Variants in SP1 observed in about 807,000 individuals in gnomAD.
SP1 encodes the protein Sp1 transcription factor.
A neutral mutation model predicts 66.3 loss-of-function variants in SP1; 6 were observed. The ratio of observed to expected loss-of-function variants is 0.09; its 90% CI spans 0.05 to 0.18. The LOEUF (loss-of-function observed/expected upper bound fraction) is 0.18. SP1 is among the 10% of genes least tolerant of loss of function. The pLI is 1.00. For missense variants in SP1, 848 were observed against 964.5 expected (o/e 0.88, Z 1.60); for synonymous variants, 417 against 360.8 (o/e 1.16, Z -1.77).
At chr12:53,390,500 T>C (rs1452910358) in intron 3 of SP1, among the ~76,000 whole-genome samples, 1 of 152,082 alleles carries the variant, frequency 6.6e-6, no homozygotes, top group East Asian at 1.9e-4. Flanking sequence ...CTGGACAACA[T>C]GGTGAAACCC....
intron 3 of SP1, among the ~76,000 whole-genome samples, chr12:53,388,705 C>G (rs976681264): frequency 6.6e-6 from 1 of 152,086 alleles, no homozygotes; most frequent in Admixed American, 6.6e-5. Flanking sequence ...TTTGGCCAGG[C>G]GTAGTGGCTC....
At chr12:53,394,286 T>G (rs1938423294) in intron 3 of SP1, among the ~76,000 whole-genome samples, 1 of 152,034 alleles carries the variant, frequency 6.6e-6, no homozygotes. Context: ...AAAAATAAAT[T>G]TTGTGTAGAT....
intron 3 of SP1, among the ~76,000 whole-genome samples, chr12:53,402,562 G>T (rs886707732): frequency 1.3e-5 from 2 of 151,948 alleles, no homozygotes; most frequent in African/African-American, 4.8e-5. Flanking sequence ...AAGGAGGCCG[G>T]GCAAGGTGGC....
chr12:53,381,998 T>G, intron 2 of SP1, 112 bp from the exon 3 acceptor site: 1 of 1,209,684 alleles, frequency 8.3e-7, no homozygotes, highest in East Asian at 2.4e-5. Flanking sequence ...GCTTTTTGTT[T>G]CTGTTTTTTG....
chr12:53,409,320 T>G (rs762989302), intron 4 of SP1, 42 bp from the exon 5 acceptor site: 1 of 1,544,856 alleles, frequency 6.5e-7, no homozygotes, highest in South Asian at 1.1e-5. Flanking sequence ...TTCTTTAGTT[T>G]TCTCTAGAAT....
At position 53,383,400 on chromosome 12, in the gene SP1, G is replaced by T; in HGVS notation, c.1453G>T (p.Ala485Ser). 3 of 1,614,164 alleles carry T rather than the reference G, an allele frequency of 1.9e-6. No homozygotes were observed. The highest frequency in any genetic ancestry group is 2.5e-6 in the Non-Finnish European group (3 of 1,180,028). The change falls in exon 3 of 6, where the codon GCC becomes TCC. Residue 485 changes from alanine (A) to serine (S), a missense_variant. Coordinates refer to ENST00000327443, the MANE Select transcript of SP1 (RefSeq NM_138473.3). Reference protein sequence around the residue: ...QNPQAQTITLAPMQGVSLGQT... With the variant: ...QNPQAQTITLSPMQGVSLGQT... Reference sequence around the variant, plus strand: ...CCCACAAGCCCAAACAATCACCTTAGCCCCAATGCAGGGTGTTTCCTTGGG... The same window carrying T: ...CCCACAAGCCCAAACAATCACCTTATCCCCAATGCAGGGTGTTTCCTTGGG...
intron 3 of SP1, among the ~76,000 whole-genome samples, chr12:53,399,077 G>A (rs1938551103): frequency 6.6e-6 from 1 of 152,142 alleles, no homozygotes; most frequent in African/African-American, 2.4e-5. Flanking sequence ...GTAAGTAAAT[G>A]TAAGTCTGCA....
rs1158907570 is a variant in SP1, at chr12:53,382,216, C to T, written c.269C>T (p.Thr90Ile). The T allele has an allele frequency of 4.3e-6, 7 of 1,614,052 alleles. No homozygotes were observed. The African/African-American group carries it at 9.3e-5, about 22-fold the overall frequency. ...NSQGPSQSGG[T>I]GELDLTATQL... ...CAGGGCCCGAGTCAGTCAGGGGGAA[C>T]AGGTGAGCTTGACCTCACAGCCACA... is the stretch of plus-strand genomic sequence containing the variant. Residue 90 changes from threonine to isoleucine, a missense_variant, in exon 3 of 6, where the codon ACA (threonine) becomes ATA (isoleucine). This residue lies in a region of SP1 where 606 missense variants were observed against 589.9 expected (regional missense o/e 1.03). Transcript: ENST00000327443.
intron 4 of SP1, among the ~76,000 whole-genome samples, chr12:53,407,144 G>A (rs1938760041): frequency 6.7e-6 from 1 of 149,662 alleles, no homozygotes; most frequent in Non-Finnish European, 1.5e-5. Context: ...TTTTTTTTTA[G>A]GATTTAAGAC....
intron 3 of SP1, 37 bp downstream of exon 3, chr12:53,383,659 A>G (rs1285022489): frequency 2.6e-6 from 4 of 1,521,258 alleles, no homozygotes; most frequent in African/African-American, 1.4e-5. Flanking sequence ...TTGGGAACCA[A>G]CTCTAGCATC....
chr12:53,385,594 CAA>C (rs146062441), intron 3 of SP1, among the ~76,000 whole-genome samples: 6 of 111,536 alleles, frequency 5.4e-5, no homozygotes, highest in African/African-American at 1.0e-4. Flanking sequence ...GACTCCGTCT[CAA>C]AAAAAAAAAA....
intron 3 of SP1, among the ~76,000 whole-genome samples, chr12:53,404,775 T>G (rs973752285): frequency 1.3e-5 from 2 of 151,936 alleles, no homozygotes; most frequent in African/African-American, 2.4e-5. Flanking sequence ...TCAAGCAATC[T>G]TCCTCCCACC....
intron 4 of SP1, 30 bp downstream of exon 4, chr12:53,406,783 T>G: frequency 6.4e-7 from 1 of 1,568,412 alleles, no homozygotes; most frequent in Non-Finnish European, 8.7e-7. Flanking sequence ...TTCTTACAAA[T>G]ATAAAGAAAA....
In SP1 at chr12:53,411,037, C is replaced by T. The variant is rs1938870373; in HGVS notation, c.2155C>T (p.Leu719=). ...QNKKGGPGVA[L]SVGTLPLDSG... ...TAAGAAGGGAGGCCCAGGTGTAGCT[C>T]TGAGTGTGGGCACTTTGCCCCTGGA... Residue 719 remains leucine (L), a synonymous_variant, in exon 6 of 6, where the codon CTG becomes TTG. Coordinates refer to ENST00000327443, the MANE Select transcript of SP1 (RefSeq NM_138473.3). 1.2e-6 allele frequency: 2 copies of T among 1,614,218 alleles called. No homozygotes were observed. The highest frequency in any genetic ancestry group is 1.7e-6 in the Non-Finnish European group (2 of 1,180,032).
At position 53,413,311 on chromosome 12, in the gene SP1, A is replaced by G. The variant is rs1938933798; in HGVS notation, c.*2071A>G. On this transcript the variant is annotated 3_prime_UTR_variant, in exon 6 of 6. Coordinates refer to ENST00000327443, the MANE Select transcript of SP1 (RefSeq NM_138473.3). ...GAAACTATTTTTGTGTTTGAAAGTG[A>G]AACCAACATCCAGATCTATAGCAGA... 1 of 152,278 alleles carries G rather than the reference A, an allele frequency of 6.6e-6. No individual in the cohort carries two copies. The highest frequency in any genetic ancestry group is 6.5e-5 in the Admixed American group (1 of 15,280). The allele number at this position is 152,278 out of a possible 1,614,324, so 9.4% of individuals were successfully genotyped here.
At chr12:53,388,103 A>G (rs1404718067) in intron 3 of SP1, among the ~76,000 whole-genome samples, 1 of 152,236 alleles carries the variant, frequency 6.6e-6, no homozygotes, top group Non-Finnish European at 1.5e-5. Flanking sequence ...TTATGGGAAT[A>G]GAAATGGGAA....
rs1225901840 is a variant in SP1 at position 53,380,237 on chromosome 12, C to T, written c.-55C>T. Reference sequence around the variant, plus strand: ...TCGTCAGCGTCCGCGTTTTTCCCGGCCCCCCCCAACCCCCCCGGACAGGAC... The same window carrying T: ...TCGTCAGCGTCCGCGTTTTTCCCGGTCCCCCCCAACCCCCCCGGACAGGAC... On this transcript the variant is annotated 5_prime_UTR_variant, in exon 1 of 6. Coordinates refer to ENST00000327443, the MANE Select transcript of SP1 (RefSeq NM_138473.3). 2.0e-5 allele frequency: 15 copies of T among 768,528 alleles called. No individual in the cohort carries two copies. Among genetic ancestry groups the T allele is most frequent in the African/African-American group, 3.6e-5 (2 of 55,954 alleles). The allele number at this position is 768,528 out of a possible 1,614,324, so 47.6% of individuals were successfully genotyped here.
chr12:53,396,389 A>G (rs1415403971), intron 3 of SP1, among the ~76,000 whole-genome samples: 1 of 151,924 alleles, frequency 6.6e-6, no homozygotes, highest in African/African-American at 2.4e-5. Flanking sequence ...CCAACGTGGT[A>G]AAACCCCGTC....
intron 3 of SP1, among the ~76,000 whole-genome samples, chr12:53,387,997 A>G (rs1938268124): frequency 6.6e-6 from 1 of 152,088 alleles, no homozygotes; most frequent in Non-Finnish European, 1.5e-5. Context: ...AAAAAAAAAA[A>G]TGTATTCGAA....
Sources: gnomAD v4.1 joint callset for allele counts (sites outside exome capture counted in the v4.1 genomes callset) on GRCh38, gnomAD v4.1.1 for gene constraint, gnomAD v4.1.1 regional missense constraint, MANE v1.5 for transcripts, NCBI Gene and HGNC (gene_info 2026-07-23, HGNC 2026-07-21) for gene names.